KATNB1: variants seen among roughly 807,000 people sequenced by gnomAD.
KATNB1 encodes katanin p80 WD40 repeat-containing subunit B1.
Under a neutral mutation model 82.3 loss-of-function variants are expected in KATNB1, and 38 were observed. The ratio of observed to expected loss-of-function variants is 0.46; its 90% confidence interval spans 0.36 to 0.61. The LOEUF (loss-of-function observed/expected upper bound fraction) is 0.61. Among genes scored for constraint, KATNB1 ranks in the 20% least tolerant of loss-of-function variants. The pLI is 0.00. For synonymous variants in KATNB1, 361 were observed against 368.7 expected, an observed-to-expected ratio of 0.98 and a Z score of 0.24; for missense variants, 749 against 915.7, an observed-to-expected ratio of 0.82 and a Z score of 2.35.
rs953705558 is a variant in KATNB1 at position 57,755,147 on chromosome 16, T to C, written c.1325T>C (p.Val442Ala). The C allele has an allele frequency of 6.2e-6, 10 of 1,612,714 alleles. No individual in the cohort carries two copies. The highest frequency in any genetic ancestry group is 8.5e-6 in the Non-Finnish European group (10 of 1,179,862). ...NLEVLPRPPV[V>A]ASTPAPKAEP... is the part of the protein sequence containing the mutation. The stretch of plus-strand genomic sequence containing the variant: ...GAGGTCCTGCCCCGGCCCCCAGTGG[T>C]TGCTTCCACACCTGCACCCAAGGCT... The change falls in exon 15 of 20, where the codon GTT becomes GCT. Residue 442 changes from valine (V) to alanine (A), a missense_variant. This residue lies in a region of KATNB1 where 407 missense variants were observed against 434.7 expected (regional missense o/e 0.94). Transcript: ENST00000379661.
chr16:57,750,996 A>C (rs2049222319), intron 5 of KATNB1, 69 bp downstream of exon 5: 1 of 1,283,114 alleles, frequency 7.8e-7, no homozygotes, highest in African/African-American at 1.5e-5. Flanking sequence ...CCCGGCCCTC[A>C]GTGCTGGATG....
At chr16:57,755,069 G>A (rs2049264381) in intron 14 of KATNB1, 50 bp from the exon 15 acceptor site, 1 of 1,613,256 alleles carries the variant, frequency 6.2e-7, no homozygotes, top group Non-Finnish European at 8.5e-7. Flanking sequence ...TGCCTCGGGA[G>A]GCAGAGAGGG....
intron 2 of KATNB1, among the ~76,000 whole-genome samples, chr16:57,738,440 G>C (rs1464150468): frequency 1.3e-5 from 2 of 152,124 alleles, no homozygotes; most frequent in African/African-American, 4.8e-5. Flanking sequence ...ATTTTTAGTA[G>C]AGACGGGGTT....
intron 13 of KATNB1, among the ~76,000 whole-genome samples, chr16:57,754,336 G>C (rs995624095): frequency 6.6e-6 from 1 of 152,186 alleles, no homozygotes. Flanking sequence ...ATGATCGGGA[G>C]GCTCTCAGGA....
At position 57,741,804 on chromosome 16, in the gene KATNB1, C is replaced by T; in HGVS notation, c.158C>T (p.Pro53Leu). ...GTCAACCTGTGGTCCATCAACAAGC[C>T]CAACTGCATCATGGTGAGCCCCGAC... ...CRVNLWSINK[P>L]NCIMSLTGHT... The change falls in exon 3 of 20, where the codon CCC becomes CTC. Residue 53 changes from proline (P) to leucine (L), a missense_variant. Transcript: ENST00000379661. The T allele has an allele frequency of 6.2e-7, 1 of 1,613,456 alleles. No homozygotes were observed. The highest frequency in any genetic ancestry group is 8.5e-7 in the Non-Finnish European group (1 of 1,179,880).
chr16:57,755,026 G>C, intron 14 of KATNB1, 29 bp downstream of exon 14: 2 of 1,613,844 alleles, frequency 1.2e-6, no homozygotes, highest in Non-Finnish European at 1.7e-6. Flanking sequence ...CATGGTGTGG[G>C]GCCTAGAGAA....
intron 4 of KATNB1, 43 bp downstream of exon 4, chr16:57,744,554 A>AAGGCAG: frequency 2.0e-6 from 3 of 1,479,624 alleles, no homozygotes; most frequent in Non-Finnish European, 2.8e-6. Context: ...CACCTGCCTT[A>AAGGCAG]GTCTTCAGGC....
rs782234660 is a variant in KATNB1 at position 57,741,677 on chromosome 16, C to T, written c.41-10C>T. Reference sequence around the variant, plus strand: ...GCCCTGATGGCCTCTCCCTCTCCTTCCCTGTGTAGAAGAGATCGTCGCGCA... The same window carrying T: ...GCCCTGATGGCCTCTCCCTCTCCTTTCCTGTGTAGAAGAGATCGTCGCGCA... On this transcript the variant is annotated splice_polypyrimidine_tract_variant and intron_variant, in intron 2 of 19. Coordinates refer to ENST00000379661, the MANE Select transcript of KATNB1 (RefSeq NM_005886.3). 1.9e-6 allele frequency: 3 copies of T among 1,610,570 alleles called. No homozygotes were observed. The highest frequency in any genetic ancestry group is 2.7e-5 in the African/African-American group (2 of 75,002).
At chr16:57,747,472 C>T (rs2148792342) in intron 4 of KATNB1, among the ~76,000 whole-genome samples, 1 of 152,352 alleles carries the variant, frequency 6.6e-6, no homozygotes, top group East Asian at 1.9e-4. Flanking sequence ...AATAAAGATG[C>T]ACGCAGCCTC....
At chr16:57,744,113 G>A (rs2049164166) in intron 3 of KATNB1, among the ~76,000 whole-genome samples, 1 of 152,226 alleles carries the variant, frequency 6.6e-6, no homozygotes, top group South Asian at 2.1e-4. Context: ...AGGGGCCCAG[G>A]GCCATTTCTG....
chr16:57,752,167 T>C (rs2049234039), intron 8 of KATNB1, 112 bp downstream of exon 8: 7 of 738,482 alleles, frequency 9.5e-6, no homozygotes, highest in Admixed American at 2.0e-5. Context: ...ATACGTCTGA[T>C]GATCCTGTGT....
Position 57,755,093 on chromosome 16 carries a change from G to C in KATNB1, c.1297-26G>C, listed in dbSNP as rs2148796335. ...AGGCAGAGAGGGAGGCCCCAGGCCG[G>C]CAACCGCTGAGTTTCACACTTTCAG... On this transcript the variant is annotated intron_variant, in intron 14 of 19. Transcript: ENST00000379661. 4 of 1,612,876 alleles carry C rather than the reference G, an allele frequency of 2.5e-6. No homozygotes were observed. In the East Asian group the frequency reaches 8.9e-5, roughly 36 times the overall value.
chr16:57,750,695 A>G, intron 4 of KATNB1, 132 bp from the exon 5 acceptor site: 1 of 705,090 alleles, frequency 1.4e-6, no homozygotes, highest in East Asian at 2.5e-5. Flanking sequence ...ACTGTTTTAA[A>G]AATGTGTGTT....
intron 12 of KATNB1, 110 bp from the exon 13 acceptor site, chr16:57,753,835 C>T (rs1398875693): frequency 2.6e-5 from 26 of 1,011,312 alleles, no homozygotes; most frequent in Non-Finnish European, 3.8e-5. Flanking sequence ...CCACAGTCTG[C>T]AGCCGCATGC....
At chr16:57,736,939 C>A (rs1415873535) in intron 1 of KATNB1, 39 bp from the exon 2 acceptor site, 4 of 638,480 alleles carry the variant, frequency 6.3e-6, no homozygotes, top group Non-Finnish European at 1.2e-5. Context: ...TCTTACCAAG[C>A]ATTTTCTAAC....
In KATNB1 at chr16:57,750,808, C is replaced by G; in HGVS notation, c.290-19C>G. ...CTCATTTGCCTCTTAGCCACTGTCT[C>G]TGCTTTCCTTCTTGTTAGTTCTTCG... is the stretch of plus-strand genomic sequence containing the variant. On this transcript the variant is annotated intron_variant, in intron 4 of 19. Coordinates refer to ENST00000379661, the MANE Select transcript of KATNB1 (RefSeq NM_005886.3). 2 of 1,607,246 alleles carry G rather than the reference C, an allele frequency of 1.2e-6. No individual in the cohort carries two copies. Among genetic ancestry groups the G allele is most frequent in the Admixed American group, 1.7e-5 (1 of 60,024 alleles).
In KATNB1 at chr16:57,751,183, C is replaced by A; in HGVS notation, c.391-78C>A. On this transcript the variant is annotated intron_variant, in intron 5 of 19. Coordinates refer to ENST00000379661, the MANE Select transcript of KATNB1 (RefSeq NM_005886.3). This position sits in a 1 kb window ranked among gnomAD's most constrained non-coding sequence, Gnocchi z 6.3. ...AGAGAAGGCTGGGCCCCACCGTCTG[C>A]TCACGACTGCACACCTTCCTCCAGT... is the stretch of plus-strand genomic sequence containing the variant. 7.1e-7 allele frequency: 1 copy of A among 1,402,088 alleles called. No homozygotes were observed. Among genetic ancestry groups the A allele is most frequent in the Non-Finnish European group, 1.0e-6 (1 of 988,002 alleles). The allele number at this position is 1,402,088 out of a possible 1,614,324, so 86.9% of individuals were successfully genotyped here. A position where few individuals can be genotyped will look rare whatever the true frequency, so the allele number is the denominator to read the frequency against.
chr16:57,757,225 T>G lies in KATNB1; in HGVS notation c.*279T>G, dbSNP rs2049301544. 6.1e-6 allele frequency: 2 copies of G among 328,478 alleles called. No homozygotes were observed. 20.3% of individuals were successfully genotyped at this position (328,478 alleles called of 1,614,324 possible). A position where few individuals can be genotyped will look rare whatever the true frequency, so the allele number is the denominator to read the frequency against. On this transcript the variant is annotated 3_prime_UTR_variant, in exon 20 of 20. Coordinates refer to ENST00000379661, the MANE Select transcript of KATNB1 (RefSeq NM_005886.3). ...GCTGCTGTAATTTATAAGGCAAATT[T>G]TATTAAATTTGTAACTATTCCCAGG...
intron 1 of KATNB1, 89 bp downstream of exon 1, chr16:57,735,944 A>G (rs1262953917): frequency 6.6e-6 from 1 of 152,248 alleles, no homozygotes; most frequent in African/African-American, 2.4e-5. Context: ...TTGCGGGCAG[A>G]GAGCTCTGAG....
Sources: gnomAD v4.1 joint callset for allele counts (sites outside exome capture counted in the v4.1 genomes callset) on GRCh38, gnomAD v4.1.1 for gene constraint, gnomAD v4.1.1 regional missense constraint, Gnocchi (gnomAD v3.1) non-coding constraint, MANE v1.5 for transcripts, NCBI Gene and HGNC (gene_info 2026-07-23, HGNC 2026-07-21) for gene names.